PCDHGA7: variants seen among roughly 807,000 people sequenced by gnomAD.
The protein encoded by PCDHGA7 is protocadherin gamma subfamily A, 7, also known as protocadherin gamma-A7.
Under a neutral mutation model 58.3 loss-of-function variants are expected in PCDHGA7, and 44 were observed. That is an observed-to-expected ratio of 0.75 (90% CI 0.59 to 0.97). The LOEUF is 0.97. Ranked by LOEUF, PCDHGA7 falls within the 50% of genes least tolerant of loss-of-function variation. The pLI is 0.00. For synonymous variants in PCDHGA7, 516 were observed against 504.2 expected (o/e 1.02, Z -0.31); for missense variants, 1,266 against 1,188.7 (o/e 1.06, Z -0.96).
intron 1 of PCDHGA7, chr5:141,427,415 T>G: frequency 2.1e-6 from 1 of 465,414 alleles, no homozygotes; most frequent in Non-Finnish European, 4.3e-6. Context: ...CGAGAGAAAA[T>G]GGGGAGGTTA....
intron 2 of PCDHGA7, among the ~76,000 whole-genome samples, chr5:141,496,474 T>A (rs2099769027): frequency 6.6e-6 from 1 of 152,140 alleles, no homozygotes; most frequent in African/African-American, 2.4e-5. Context: ...CTTTCCCCCA[T>A]CCTGCAACCA....
chr5:141,400,076 T>C, intron 1 of PCDHGA7: 2 of 1,613,932 alleles, frequency 1.2e-6, no homozygotes, highest in Non-Finnish European at 1.7e-6. Context: ...CAGCCGCCAC[T>C]CTCCGCCACC....
At chr5:141,441,246 C>G (rs2098234855) in intron 1 of PCDHGA7, 1 of 152,136 alleles carries the variant, frequency 6.6e-6, no homozygotes, top group Non-Finnish European at 1.5e-5. Flanking sequence ...ATCACAAGAT[C>G]TTTAAATCAC....
At chr5:141,501,016 G>A (rs1042009106) in intron 2 of PCDHGA7, among the ~76,000 whole-genome samples, 7 of 151,716 alleles carry the variant, frequency 4.6e-5, no homozygotes, top group Non-Finnish European at 1.0e-4. Context: ...CTACAGGCAC[G>A]CGCCACCACG....
Position 141,462,764 on chromosome 5 carries a change from G to C in PCDHGA7, c.2425-32043G>C, listed in dbSNP as rs150842317. Among the ~76,000 whole-genome samples, 589 of 152,084 alleles carry C rather than the reference G, an allele frequency of 3.9e-3. 5 individuals are homozygous for C. Among genetic ancestry groups the C allele is most frequent in the Admixed American group, 0.011 (169 of 15,274 alleles). ...AATTCCTATGATGATTTTCTTCCTG[G>C]CTTGGGGTCATAATTTGTTGCTTAT... On this transcript the variant is annotated intron_variant, in intron 1 of 3. Transcript: ENST00000518325.
chr5:141,394,454 A>G (rs1394596470), intron 1 of PCDHGA7: 2 of 1,614,212 alleles, frequency 1.2e-6, no homozygotes, highest in Admixed American at 1.7e-5. Context: ...GCAACATGTC[A>G]CTGAGCCTGT....
At chr5:141,480,240 CAA>C (rs11374694) in intron 1 of PCDHGA7, among the ~76,000 whole-genome samples, 8 of 114,006 alleles carry the variant, frequency 7.0e-5, no homozygotes, top group Non-Finnish European at 7.5e-5. Flanking sequence ...CCTGTCTCTA[CAA>C]AAAAAAAAAA....
rs190955361 is a variant in PCDHGA7, at chr5:141,486,090, G to A, written c.2425-8717G>A. On this transcript the variant is annotated intron_variant, in intron 1 of 3. Transcript: ENST00000518325. The surrounding 1 kb of genome is among the most constrained non-coding windows in gnomAD (Gnocchi z 5.0). ...ACTACTGGAAAGCTTACTCTTTTGG[G>A]GCCCCTAGACTTTGAGAGTGAGAAT... 3 of 1,614,086 alleles carry A rather than the reference G, an allele frequency of 1.9e-6. No homozygotes were observed. The highest frequency in any genetic ancestry group is 1.6e-4 in the Middle Eastern group (1 of 6,062).
At chr5:141,483,584 T>C (rs2099583159) in intron 1 of PCDHGA7, among the ~76,000 whole-genome samples, 1 of 152,064 alleles carries the variant, frequency 6.6e-6, no homozygotes, top group African/African-American at 2.4e-5. Context: ...CATAAACACC[T>C]AATAGGTCAG....
chr5:141,457,429 C>A (rs73280316), intron 1 of PCDHGA7, among the ~76,000 whole-genome samples: 7 of 152,178 alleles, frequency 4.6e-5, no homozygotes, highest in Non-Finnish European at 7.4e-5. Flanking sequence ...TTTTCCCCCC[C>A]ACCAAGCTGC....
chr5:141,395,558 G>C (rs60237573), intron 1 of PCDHGA7: 1 of 127,872 alleles, frequency 7.8e-6, no homozygotes, highest in Non-Finnish European at 1.4e-5. Flanking sequence ...GTGTGTGTGT[G>C]TGTGTGTGTG....
intron 1 of PCDHGA7, among the ~76,000 whole-genome samples, chr5:141,437,573 G>A (rs923321760): frequency 1.3e-5 from 2 of 152,164 alleles, no homozygotes; most frequent in African/African-American, 4.8e-5. Flanking sequence ...GAGTATAGCT[G>A]TGATCATGAA....
intron 1 of PCDHGA7, chr5:141,408,965 C>A: frequency 3.1e-6 from 5 of 1,613,806 alleles, no homozygotes; most frequent in Non-Finnish European, 4.2e-6. Flanking sequence ...TAGTGAAAAT[C>A]TGCCCCCTGG....
chr5:141,423,940 G>A (rs937456850), intron 1 of PCDHGA7: 1 of 1,217,098 alleles, frequency 8.2e-7, no homozygotes, highest in Non-Finnish European at 1.0e-6. Flanking sequence ...TTTGAAGTAA[G>A]TTGAATTTTA....
chr5:141,403,073 A>G (rs920382925), intron 1 of PCDHGA7: 4 of 1,614,056 alleles, frequency 2.5e-6, no homozygotes, highest in Non-Finnish European at 3.4e-6. Context: ...AGAGACAGAA[A>G]AGGGCTATAT....
At chr5:141,419,744 G>A (rs760207269) in intron 1 of PCDHGA7, 28 of 1,613,778 alleles carry the variant, frequency 1.7e-5, no homozygotes, top group East Asian at 2.2e-5. Context: ...GGTGCGCATG[G>A]TGCGTGCTTT....
intron 1 of PCDHGA7, among the ~76,000 whole-genome samples, chr5:141,406,024 G>A (rs2094747494): frequency 6.6e-6 from 1 of 151,462 alleles, no homozygotes; most frequent in Admixed American, 6.6e-5. Flanking sequence ...TTTTTGGGTA[G>A]GGTTGCTTCA....
chr5:141,491,742 C>T lies in PCDHGA7; in HGVS notation c.2425-3065C>T. On this transcript the variant is annotated intron_variant, in intron 1 of 3. Transcript: ENST00000518325. This position sits in a 1 kb window ranked among gnomAD's most constrained non-coding sequence, Gnocchi z 6.9. ...CGCCCCGGGCGACCCCTGGGGGCGG[C>T]ACTGGAGAAGCCGCCCGTCCTCATA... 6.3e-7 allele frequency: 1 copy of T among 1,596,114 alleles called. No individual in the cohort carries two copies. Among genetic ancestry groups the T allele is most frequent in the African/African-American group, 1.3e-5 (1 of 74,260 alleles).
At chr5:141,471,046 C>CTTT (rs1170588345) in intron 1 of PCDHGA7, among the ~76,000 whole-genome samples, 3 of 113,252 alleles carry the variant, frequency 2.6e-5, no homozygotes, top group Non-Finnish European at 5.4e-5. Context: ...CCCAAGCCCT[C>CTTT]TTTTTTTTTT....
Sources: allele counts gnomAD v4.1 joint callset (sites outside exome capture counted in the v4.1 genomes callset), GRCh38; gene constraint gnomAD v4.1.1; non-coding constraint Gnocchi (gnomAD v3.1); transcripts MANE v1.5; gene names NCBI Gene and HGNC (gene_info 2026-07-23, HGNC 2026-07-21).